CYFIP1: variants seen among roughly 807,000 people sequenced by gnomAD.
CYFIP1 encodes cytoplasmic FMR1-interacting protein 1.
CYFIP1 carries 58 observed loss-of-function variants against 163.5 expected under a neutral mutation model. The observed-to-expected ratio is 0.35, with a 90% confidence interval of 0.29 to 0.44. The LOEUF (loss-of-function observed/expected upper bound fraction) is 0.44. Among genes scored for constraint, CYFIP1 ranks in the 20% least tolerant of loss-of-function variants. CYFIP1 has a pLI of 1.00. For missense variants in CYFIP1, 1,338 were observed against 1,653.8 expected (o/e 0.81, Z 3.31); for synonymous variants, 663 against 660.7 (o/e 1.00, Z -0.05).
intron 22 of CYFIP1, among the ~76,000 whole-genome samples, chr15:22,896,157 C>T (rs1009153): frequency 0.34 from 52,213 of 151,812 alleles, 9,703 homozygotes; most frequent in East Asian, 0.56. Context: ...TGCCCTCAGA[C>T]TCTGCAGTTT....
intron 1 of CYFIP1, chr15:22,951,625 A>G (rs910393358): frequency 8.5e-7 from 1 of 1,176,608 alleles, no homozygotes; most frequent in Non-Finnish European, 1.1e-6. Flanking sequence ...GTGTCCAGTC[A>G]TGCCCGGGCC....
At chr15:22,873,858 C>G in intron 28 of CYFIP1, 129 bp from the exon 29 acceptor site, 1 of 808,822 alleles carries the variant, frequency 1.2e-6, no homozygotes, top group Non-Finnish European at 2.0e-6. Flanking sequence ...GTGGCACAAT[C>G]ACAGCTCGCT....
Position 22,916,458 on chromosome 15 carries a change from G to T in CYFIP1, c.1828+19C>A. ...GTTAGGACATGCCAGGCCGGATGCT[G>T]CTCAGCAGTATCTCTTACCACTGAA... On this transcript the variant is annotated intron_variant, in intron 16 of 30. Transcript: ENST00000617928. 1 of 1,561,732 alleles carries T rather than the reference G, an allele frequency of 6.4e-7. No homozygotes were observed. The highest frequency in any genetic ancestry group is 8.8e-7 in the Non-Finnish European group (1 of 1,135,804).
Position 22,917,152 on chromosome 15 carries a change from C to T in CYFIP1, c.1675-522G>A, listed in dbSNP as rs959969018. The T allele has an allele frequency of 2.1e-6, 3 of 1,441,968 alleles. No homozygotes were observed. Among genetic ancestry groups the T allele is most frequent in the Non-Finnish European group, 2.7e-6 (3 of 1,104,554 alleles). The allele number at this position is 1,441,968 out of a possible 1,614,324, so 89.3% of individuals were successfully genotyped here. On this transcript the variant is annotated intron_variant, in intron 15 of 30. Transcript: ENST00000617928. The surrounding 1 kb of genome is among the most constrained non-coding windows in gnomAD (Gnocchi z 4.2). ...CAGGGAGGGTGGCTGGCACCACGCA[C>T]AGGCCGAGGGCCGTCCCCCTGACCC... is the stretch of plus-strand genomic sequence containing the variant.
At chr15:22,895,868 C>CCTCAGAG (rs1226100652) in intron 22 of CYFIP1, among the ~76,000 whole-genome samples, 1 of 152,218 alleles carries the variant, frequency 6.6e-6, no homozygotes, top group African/African-American at 2.4e-5. Flanking sequence ...GAGCGTCCCA[C>CCTCAGAG]CTCAGAGCTC....
intron 23 of CYFIP1, among the ~76,000 whole-genome samples, chr15:22,886,638 G>A (rs965265483): frequency 3.9e-5 from 6 of 152,096 alleles, no homozygotes; most frequent in Non-Finnish European, 8.8e-5. Flanking sequence ...ATTGTAGTTG[G>A]AGAACACTCT....
intron 22 of CYFIP1, among the ~76,000 whole-genome samples, chr15:22,894,127 T>G (rs2060156804): frequency 6.6e-6 from 1 of 152,048 alleles, no homozygotes; most frequent in African/African-American, 2.4e-5. Flanking sequence ...GTGACACACC[T>G]GCAAAGCTAC....
chr15:22,890,043 TG>T (rs2060030671), intron 23 of CYFIP1, among the ~76,000 whole-genome samples: 1 of 152,036 alleles, frequency 6.6e-6, no homozygotes, highest in African/African-American at 2.4e-5. Context: ...GGCTCATGCC[TG>T]TAATTCCAAC....
At chr15:22,945,085 G>A (rs2062014887) in intron 3 of CYFIP1, 146 bp from the exon 4 acceptor site, 2 of 807,368 alleles carry the variant, frequency 2.5e-6, no homozygotes, top group East Asian at 4.9e-5. Context: ...AGAAGCTAGT[G>A]ACACTGAGGT....
intron 10 of CYFIP1, among the ~76,000 whole-genome samples, chr15:22,933,123 C>T (rs569891307): frequency 2.0e-5 from 3 of 151,994 alleles, no homozygotes; most frequent in South Asian, 4.2e-4. Flanking sequence ...CATGAGCCAC[C>T]GCGCCCCACC....
chr15:22,920,731 C>T (rs969085497), intron 13 of CYFIP1, among the ~76,000 whole-genome samples: 2 of 152,180 alleles, frequency 1.3e-5, no homozygotes, highest in African/African-American at 4.8e-5. Flanking sequence ...AGCTGCTCAG[C>T]GCCATCTCTG....
intron 1 of CYFIP1, among the ~76,000 whole-genome samples, chr15:22,958,516 T>C (rs1052771771): frequency 6.6e-6 from 1 of 152,226 alleles, no homozygotes; most frequent in Non-Finnish European, 1.5e-5. Context: ...TCTAAAACAG[T>C]GTGCCAAGGA....
At chr15:22,882,800 G>A in intron 24 of CYFIP1, 68 bp downstream of exon 24, 3 of 1,546,280 alleles carry the variant, frequency 1.9e-6, no homozygotes, top group Non-Finnish European at 2.6e-6. Context: ...AGGCAGAGAA[G>A]ACCCTCTGGC....
intron 1 of CYFIP1, among the ~76,000 whole-genome samples, chr15:22,948,902 T>G (rs949720312): frequency 1.3e-5 from 2 of 150,586 alleles, no homozygotes; most frequent in African/African-American, 4.9e-5. Context: ...AAAAAAAGAT[T>G]GAAAAAATTT....
intron 16 of CYFIP1, among the ~76,000 whole-genome samples, chr15:22,915,802 A>G (rs2060955930): frequency 6.6e-6 from 1 of 152,046 alleles, no homozygotes; most frequent in African/African-American, 2.4e-5. Context: ...TAGGATAAAA[A>G]CCAATGTCCA....
At chr15:22,964,349 T>TCTCACACA (rs1389844730) in intron 1 of CYFIP1, among the ~76,000 whole-genome samples, 14 of 39,576 alleles carry the variant, frequency 3.5e-4, no homozygotes, top group Admixed American at 2.2e-3. Context: ...CGCAACCTCA[T>TCTCACACA]CACTCACACA....
rs1343985306 is a variant in CYFIP1, at chr15:22,964,379, A to T, written c.-7+15908T>A. Among the ~76,000 whole-genome samples the T allele has an allele frequency of 1.9e-3, 263 of 139,546 alleles. 8 individuals are homozygous for T. Among genetic ancestry groups the T allele is most frequent in the African/African-American group, 7.5e-3 (249 of 33,178 alleles). The allele number at this position is 139,546 out of a possible 152,430, so 91.5% of individuals were successfully genotyped here. On this transcript the variant is annotated intron_variant, in intron 1 of 30. Coordinates refer to ENST00000617928, the MANE Select transcript of CYFIP1 (RefSeq NM_014608.6). ...CACACACACACACACACACACACACACACACACACACACACACACACACAC... is the reference window on the plus strand; with the variant it reads ...CACACACACACACACACACACACACTCACACACACACACACACACACACAC...
intron 5 of CYFIP1, 145 bp from the exon 6 acceptor site, chr15:22,943,499 G>C: frequency 1.2e-6 from 1 of 838,796 alleles, no homozygotes. Context: ...TTACAATGTG[G>C]GCAACCAGAC....
chr15:22,936,674 G>A (rs920841142), intron 9 of CYFIP1, among the ~76,000 whole-genome samples: 2 of 152,212 alleles, frequency 1.3e-5, no homozygotes, highest in Non-Finnish European at 2.9e-5. Flanking sequence ...GAGGACAGTC[G>A]ACCAGAGCTG....
Sources: allele counts gnomAD v4.1 joint callset (sites outside exome capture counted in the v4.1 genomes callset), GRCh38; gene constraint gnomAD v4.1.1; non-coding constraint Gnocchi (gnomAD v3.1); transcripts MANE v1.5; gene names NCBI Gene and HGNC (gene_info 2026-07-23, HGNC 2026-07-21).